SPAG17: variants seen among roughly 807,000 people sequenced by gnomAD.
SPAG17 encodes sperm-associated antigen 17.
SPAG17 carries 169 observed loss-of-function variants against 273.6 expected under a neutral mutation model. The observed-to-expected ratio is 0.62, with a 90% CI of 0.55 to 0.70. SPAG17 has a LOEUF of 0.70. Ranked by LOEUF, SPAG17 falls within the 30% of genes least tolerant of loss-of-function variation. SPAG17 has a pLI of 0.00. For synonymous variants in SPAG17, 825 were observed against 873.2 expected, an observed-to-expected ratio of 0.94 and a Z score of 0.97; for missense variants, 2,557 against 2,627.8, an observed-to-expected ratio of 0.97 and a Z score of 0.59.
intron 32 of SPAG17, among the ~76,000 whole-genome samples, chr1:118,004,864 T>C (rs1002451994): frequency 6.6e-6 from 1 of 152,202 alleles, no homozygotes; most frequent in Non-Finnish European, 1.5e-5. Context: ...GGTACTTCAG[T>C]TGGAAATGCA....
intron 30 of SPAG17, among the ~76,000 whole-genome samples, chr1:118,008,906 C>T (rs1463630292): frequency 6.6e-6 from 1 of 152,104 alleles, no homozygotes; most frequent in African/African-American, 2.4e-5. Context: ...GAATTTACCA[C>T]ATTTTGTTTT....
chr1:118,064,636 A>G (rs1000368949), intron 18 of SPAG17, among the ~76,000 whole-genome samples: 1 of 149,590 alleles, frequency 6.7e-6, no homozygotes, highest in Non-Finnish European at 1.5e-5. Context: ...ACCTAATGCT[A>G]AATGACGAGT....
chr1:118,077,110 G>C (rs1410942273), intron 15 of SPAG17, among the ~76,000 whole-genome samples: 1 of 152,130 alleles, frequency 6.6e-6, no homozygotes, highest in Non-Finnish European at 1.5e-5. Context: ...TAAAATGGTT[G>C]TGCAGGAAAT....
chr1:118,152,517 C>T (rs1345481265), intron 1 of SPAG17, among the ~76,000 whole-genome samples: 1 of 152,048 alleles, frequency 6.6e-6, no homozygotes, highest in Non-Finnish European at 1.5e-5. Context: ...AGCAATTGTC[C>T]TTAAATCCTT....
chr1:118,036,625 C>CACACACACA lies in SPAG17; in HGVS notation c.3433+144_3433+145insTGTGTGTGT. 3 of 608,306 alleles carry CACACACACA rather than the reference C, an allele frequency of 4.9e-6. No individual in the cohort carries two copies. The East Asian group carries it at 8.5e-5, about 17-fold the overall frequency. The allele number at this position is 608,306 out of a possible 1,614,324, so 37.7% of individuals were successfully genotyped here. On this transcript the variant is annotated intron_variant, in intron 24 of 48. Coordinates refer to ENST00000336338, the MANE Select transcript of SPAG17 (RefSeq NM_206996.4). ...AGACACACACACACACACACACACA[C>CACACACACA]CTCTTCTATTACCATCCTGCAGGAA...
intron 20 of SPAG17, 99 bp from the exon 21 acceptor site, chr1:118,042,141 A>G: frequency 2.8e-6 from 4 of 1,405,566 alleles, no homozygotes; most frequent in African/African-American, 1.4e-5. Context: ...GATTTTTGTT[A>G]GTGTATCTCT....
intron 20 of SPAG17, among the ~76,000 whole-genome samples, chr1:118,048,286 A>C (rs1379450116): frequency 6.6e-6 from 1 of 151,734 alleles, no homozygotes; most frequent in Non-Finnish European, 1.5e-5. Context: ...GCCCACCTCC[A>C]TGAACCCAGT....
chr1:118,044,531 G>T (rs1650130444), intron 20 of SPAG17, among the ~76,000 whole-genome samples: 2 of 152,064 alleles, frequency 1.3e-5, no homozygotes, highest in South Asian at 4.1e-4. Flanking sequence ...CAAATTAGAT[G>T]GACAATCAAC....
chr1:118,117,182 T>C (rs553512857), intron 3 of SPAG17, among the ~76,000 whole-genome samples: 171 of 152,332 alleles, frequency 1.1e-3, no homozygotes, highest in African/African-American at 3.8e-3. Flanking sequence ...CATGGCAGTC[T>C]AGTGTTTCCC....
At chr1:118,076,685 C>T (rs1654125976) in intron 15 of SPAG17, among the ~76,000 whole-genome samples, 1 of 152,050 alleles carries the variant, frequency 6.6e-6, no homozygotes, top group Non-Finnish European at 1.5e-5. Flanking sequence ...AAGGAAAGAA[C>T]ATTCTAAAAG....
chr1:118,052,595 T>C (rs138231007), intron 20 of SPAG17, among the ~76,000 whole-genome samples: 50 of 152,218 alleles, frequency 3.3e-4, no homozygotes, highest in African/African-American at 1.2e-3. Context: ...ATGCATATGT[T>C]AATCAGTTTG....
chr1:118,116,872 C>T (rs535345624), intron 3 of SPAG17, among the ~76,000 whole-genome samples: 1 of 152,324 alleles, frequency 6.6e-6, no homozygotes, highest in East Asian at 1.9e-4. Context: ...GGCAGTTCTG[C>T]TCCTGCTAAC....
chr1:118,135,193 G>C (rs1658268467), intron 3 of SPAG17, among the ~76,000 whole-genome samples: 1 of 152,188 alleles, frequency 6.6e-6, no homozygotes, highest in Non-Finnish European at 1.5e-5. Context: ...CGGACATCCA[G>C]CCAGCCCTCC....
At chr1:118,060,887 AT>A (rs1652211757) in intron 18 of SPAG17, among the ~76,000 whole-genome samples, 2 of 152,134 alleles carry the variant, frequency 1.3e-5, no homozygotes, top group African/African-American at 4.8e-5. Flanking sequence ...TGTCTTTGCA[AT>A]TTAAGAAGCA....
In SPAG17 at chr1:118,101,894, A is replaced by G. The variant is rs761164188; in HGVS notation, c.480T>C (p.Asp160=). ...CCTTGGGAGATTTTGCTTTCCCTTT[A>G]TCCTTTTCTAACTTAGGTTTGTCTT... is the stretch of plus-strand genomic sequence containing the variant. ...VIEDKPKLEK[D]KGKAKSPKEK... The change falls in exon 5 of 49, where the codon GAT becomes GAC. Residue 160 remains aspartate, a synonymous_variant. Transcript: ENST00000336338. The G allele has an allele frequency of 6.2e-7, 1 of 1,613,104 alleles. No homozygotes were observed. Among genetic ancestry groups the G allele is most frequent in the South Asian group, 1.1e-5 (1 of 90,938 alleles).
At chr1:118,083,329 G>T (rs532079468) in intron 13 of SPAG17, among the ~76,000 whole-genome samples, 5 of 152,236 alleles carry the variant, frequency 3.3e-5, no homozygotes, top group African/African-American at 1.2e-4. Flanking sequence ...CAACATTTTA[G>T]AAGGGCCATT....
At chr1:117,966,457 GATGA>G in intron 47 of SPAG17, 148 bp downstream of exon 47, 1 of 737,816 alleles carries the variant, frequency 1.4e-6, no homozygotes, top group Non-Finnish European at 2.0e-6. Context: ...TGCTTTCAAA[GATGA>G]ATGAAGATGC....
intron 43 of SPAG17, among the ~76,000 whole-genome samples, chr1:117,978,539 G>GA (rs1017043834): frequency 2.0e-5 from 3 of 152,140 alleles, no homozygotes; most frequent in African/African-American, 7.2e-5. Context: ...CTAATCTTTA[G>GA]AAAAATATCT....
chr1:118,079,902 G>A (rs1157149052), intron 15 of SPAG17, among the ~76,000 whole-genome samples: 1 of 151,954 alleles, frequency 6.6e-6, no homozygotes, highest in Non-Finnish European at 1.5e-5. Flanking sequence ...TAAATTTGGT[G>A]TTGTTTAATG....
Sources: allele counts gnomAD v4.1 joint callset (sites outside exome capture counted in the v4.1 genomes callset), GRCh38; gene constraint gnomAD v4.1.1; transcripts MANE v1.5; gene names NCBI Gene and HGNC (gene_info 2026-07-23, HGNC 2026-07-21).